The following TFDP1 variants were observed in gnomAD, a reference collection of about 807,000 sequenced individuals.
The protein encoded by TFDP1 is transcription factor Dp-1, also known as DRTF1-polypeptide 1.
A neutral mutation model predicts 48.0 loss-of-function variants in TFDP1; 6 were observed. That is an observed-to-expected ratio of 0.13 (90% CI 0.07 to 0.25). TFDP1 has a LOEUF of 0.25. Among genes scored for constraint, TFDP1 ranks in the 10% least tolerant of loss-of-function variants. The pLI, the probability that TFDP1 is intolerant of heterozygous loss-of-function variation, is 1.00. For synonymous variants in TFDP1, 201 were observed against 211.6 expected (o/e 0.95, Z 0.44); for missense variants, 335 against 543.0 (o/e 0.62, Z 3.81).
chr13:113,637,400 C>T (rs1283960517), intron 10 of TFDP1, among the ~76,000 whole-genome samples: 1 of 152,248 alleles, frequency 6.6e-6, no homozygotes, highest in Non-Finnish European at 1.5e-5. Flanking sequence ...TGTCAGGTGA[C>T]AGTGGGCTCT....
In TFDP1 at chr13:113,614,113, TGA is replaced by T. The variant is rs144700797; in HGVS notation, c.79+3053_79+3054del. Among the ~76,000 whole-genome samples the T allele has an allele frequency of 2.7e-3, 417 of 151,652 alleles. 1 individual carries two copies. Among genetic ancestry groups the T allele is most frequent in the Admixed American group, 4.5e-3 (69 of 15,236 alleles). ...TGTGAGTTGTGTGCATATGCACGTGTGAGTTGAGTTGTGTGCATGGAGTGTTA... is the reference window on the plus strand; with the variant it reads ...TGTGAGTTGTGTGCATATGCACGTGTGTTGAGTTGTGTGCATGGAGTGTTA... On this transcript the variant is annotated intron_variant, in intron 3 of 11. Coordinates refer to ENST00000375370, the MANE Select transcript of TFDP1 (RefSeq NM_007111.5).
intron 2 of TFDP1, among the ~76,000 whole-genome samples, chr13:113,604,716 A>AC (rs889954517): frequency 2.0e-5 from 3 of 152,208 alleles, no homozygotes; most frequent in African/African-American, 7.2e-5. Context: ...GCCTGGCAGG[A>AC]CCCCTGGTAG....
chr13:113,613,855 GTT>G (rs368831841), intron 3 of TFDP1, among the ~76,000 whole-genome samples: 9 of 151,716 alleles, frequency 5.9e-5, no homozygotes, highest in African/African-American at 1.9e-4. Flanking sequence ...GTGCATGTGT[GTT>G]GAGTGTGCAT....
At chr13:113,593,390 G>A (rs567538131) in intron 2 of TFDP1, among the ~76,000 whole-genome samples, 53 of 144,070 alleles carry the variant, frequency 3.7e-4, no homozygotes, top group African/African-American at 1.3e-3. Flanking sequence ...TGACAGGTGT[G>A]TGTGCGGGTC....
intron 7 of TFDP1, 42 bp downstream of exon 7, chr13:113,634,075 T>A (rs375720945): frequency 6.2e-7 from 1 of 1,613,658 alleles, no homozygotes; most frequent in African/African-American, 1.3e-5. Context: ...TCCCTTCAAG[T>A]CCGTGTAGAT....
At chr13:113,588,395 T>C (rs2048056312) in intron 2 of TFDP1, among the ~76,000 whole-genome samples, 1 of 152,188 alleles carries the variant, frequency 6.6e-6, no homozygotes, top group Non-Finnish European at 1.5e-5. Context: ...TGGAAGGTTC[T>C]GGAGAGAACA....
intron 11 of TFDP1, among the ~76,000 whole-genome samples, chr13:113,638,451 C>T (rs1056635578): frequency 4.0e-5 from 6 of 151,818 alleles, no homozygotes; most frequent in Non-Finnish European, 5.9e-5. Context: ...AACGCGTCTG[C>T]GGTCTCGGCG....
In TFDP1 at chr13:113,602,165, C is replaced by A. The variant is rs539306094; in HGVS notation, c.13-8831C>A. On this transcript the variant is annotated intron_variant, in intron 2 of 11. Transcript: ENST00000375370. ...GTTGAGGGAGGAGTGGACGGAGTTA[C>A]CCACAGGAGTCGAGGGAGGAGTGGA... Among the ~76,000 whole-genome samples, 30 of 148,004 alleles carry A rather than the reference C, an allele frequency of 2.0e-4. No individual in the cohort carries two copies. In the South Asian group the frequency reaches 6.0e-3, roughly 30 times the overall value.
Position 113,611,038 on chromosome 13 carries a change from G to T in TFDP1, c.55G>T (p.Asp19Tyr). The T allele has an allele frequency of 6.2e-7, 1 of 1,614,142 alleles. No homozygotes were observed. Among genetic ancestry groups the T allele is most frequent in the South Asian group, 1.1e-5 (1 of 91,072 alleles). Reference protein sequence around the residue: ...EANGELKVFIDQNLSPGKGVV... With the variant: ...EANGELKVFIYQNLSPGKGVV... ...CAACGGAGAACTCAAGGTCTTCATA[G>T]ACCAGAACCTTAGTCCCGGGAAAGG... The change falls in exon 3 of 12, where the codon GAC becomes TAC. Residue 19 changes from aspartate (D) to tyrosine (Y), a missense_variant. Asp to Tyr is a radical substitution (Grantham distance 160). Around this residue, in one of 3 missense-constraint regions of TFDP1, gnomAD observed 103 missense variants for 140.4 expected, o/e 0.73. Coordinates refer to ENST00000375370, the MANE Select transcript of TFDP1 (RefSeq NM_007111.5).
chr13:113,622,920 G>A (rs1272333753), intron 3 of TFDP1, among the ~76,000 whole-genome samples: 3 of 152,238 alleles, frequency 2.0e-5, no homozygotes, highest in African/African-American at 4.8e-5. Flanking sequence ...AGCAGACATC[G>A]CCGAGGGGCT....
chr13:113,623,145 A>T lies in TFDP1; in HGVS notation c.80-35A>T, dbSNP rs778523920. Reference sequence around the variant, plus strand: ...GCTTGTAGCCTTAACTTAGAAAAGGAGTCTCGCCCTTGACCTGGTGTCCTT... The same window carrying T: ...GCTTGTAGCCTTAACTTAGAAAAGGTGTCTCGCCCTTGACCTGGTGTCCTT... On this transcript the variant is annotated intron_variant, in intron 3 of 11. Coordinates refer to ENST00000375370, the MANE Select transcript of TFDP1 (RefSeq NM_007111.5). This position sits in a 1 kb window ranked among gnomAD's most constrained non-coding sequence, Gnocchi z 5.2. The T allele has an allele frequency of 8.9e-6, 14 of 1,573,078 alleles. No individual in the cohort carries two copies. Among genetic ancestry groups the T allele is most frequent in the Non-Finnish European group, 1.2e-5 (14 of 1,150,902 alleles).
chr13:113,615,134 T>C (rs1032696294), intron 3 of TFDP1, among the ~76,000 whole-genome samples: 13 of 152,100 alleles, frequency 8.5e-5, no homozygotes, highest in African/African-American at 3.1e-4. Context: ...GGAGTCCCAA[T>C]GTGGAGGTTT....
intron 2 of TFDP1, among the ~76,000 whole-genome samples, chr13:113,610,307 G>A (rs115627707): frequency 2.2e-3 from 328 of 151,762 alleles, no homozygotes; most frequent in African/African-American, 5.8e-3. Context: ...GTACTGTCAC[G>A]TGTGTGCCCT....
At position 113,631,508 on chromosome 13, in the gene TFDP1, CTCACTGTGGTTAA is replaced by C. The variant is rs2049336225; in HGVS notation, c.187-114_187-102del. 3 of 1,363,748 alleles carry C rather than the reference CTCACTGTGGTTAA, an allele frequency of 2.2e-6. No individual in the cohort carries two copies. The South Asian group carries it at 4.9e-5, about 22-fold the overall frequency. The allele number at this position is 1,363,748 out of a possible 1,614,324, so 84.5% of individuals were successfully genotyped here. A position where few individuals can be genotyped will look rare whatever the true frequency, so the allele number is the denominator to read the frequency against. On this transcript the variant is annotated intron_variant, in intron 4 of 11. Transcript: ENST00000375370. ...CGTTTTTCCTGCTCCGTCATGGCTG[CTCACTGTGGTTAA>C]GGAAATTCAGCAGTGGCTGCGGATA...
intron 2 of TFDP1, among the ~76,000 whole-genome samples, chr13:113,595,969 C>G (rs1220495682): frequency 6.6e-6 from 1 of 152,194 alleles, no homozygotes; most frequent in Non-Finnish European, 1.5e-5. Flanking sequence ...GTAGTCCCAG[C>G]TACTTGGGAG....
At chr13:113,634,229 C>G (rs2049413154) in intron 7 of TFDP1, 196 bp downstream of exon 7, 1 of 781,250 alleles carries the variant, frequency 1.3e-6, no homozygotes, top group East Asian at 2.7e-5. Flanking sequence ...CCCAGACCCA[C>G]TAGAGTCTGT....
rs766415905 is a variant in TFDP1 at position 113,640,035 on chromosome 13, C to T, written c.1086-85C>T. On this transcript the variant is annotated intron_variant, in intron 11 of 11. Coordinates refer to ENST00000375370, the MANE Select transcript of TFDP1 (RefSeq NM_007111.5). ...AAAACCCACACCTGTGGGGCACAGC[C>T]TGTCATTTGACCACAAGCCCTGAGG... is the stretch of plus-strand genomic sequence containing the variant. 94 of 1,000,380 alleles carry T rather than the reference C, an allele frequency of 9.4e-5. 1 individual carries two copies. Among genetic ancestry groups the T allele is most frequent in the Non-Finnish European group, 1.4e-4 (92 of 670,678 alleles). 62.0% of individuals were successfully genotyped at this position (1,000,380 alleles called of 1,614,324 possible). A position where few individuals can be genotyped will look rare whatever the true frequency, so the allele number is the denominator to read the frequency against.
chr13:113,615,481 C>T (rs1006254483), intron 3 of TFDP1, among the ~76,000 whole-genome samples: 7 of 152,220 alleles, frequency 4.6e-5, no homozygotes, highest in Non-Finnish European at 1.0e-4. Context: ...TGTGCCTCGT[C>T]CTCAGGGAGG....
intron 2 of TFDP1, among the ~76,000 whole-genome samples, chr13:113,593,177 C>G (rs1173328144): frequency 7.0e-6 from 1 of 143,248 alleles, no homozygotes; most frequent in African/African-American, 2.7e-5. Context: ...TCACCCTGCC[C>G]AGGTGACAGG....
Sources: gnomAD v4.1 joint callset for allele counts (sites outside exome capture counted in the v4.1 genomes callset) on GRCh38, gnomAD v4.1.1 for gene constraint, gnomAD v4.1.1 regional missense constraint, Gnocchi (gnomAD v3.1) non-coding constraint, MANE v1.5 for transcripts, NCBI Gene and HGNC (gene_info 2026-07-23, HGNC 2026-07-21) for gene names.